ZNF483: variants seen among roughly 807,000 people sequenced by gnomAD.
ZNF483 encodes the protein zinc finger protein HIT-10.
Under a neutral mutation model 28.6 loss-of-function variants are expected in ZNF483, and 9 were observed. The ratio of observed to expected loss-of-function variants is 0.32; its 90% CI spans 0.19 to 0.55. The LOEUF (loss-of-function observed/expected upper bound fraction) is 0.55. ZNF483 is among the 20% of genes least tolerant of loss of function. ZNF483 has a pLI of 0.93. For missense variants in ZNF483, 675 were observed against 871.7 expected (o/e 0.77, Z 2.84); for synonymous variants, 322 against 306.2 (o/e 1.05, Z -0.54).
At position 111,542,842 on chromosome 9, in the gene ZNF483, A is replaced by G. The variant is rs1827708431; in HGVS notation, c.1907A>G (p.Lys636Arg). 2 of 1,614,020 alleles carry G rather than the reference A, an allele frequency of 1.2e-6. No homozygotes were observed. The highest frequency in any genetic ancestry group is 1.3e-5 in the African/African-American group (1 of 74,912). ...QRLHSGEKPY[K>R]CNQCEKAFPT... ...CTTCATTCAGGAGAAAAACCCTACA[A>G]ATGTAACCAGTGTGAGAAAGCCTTC... Residue 636 changes from lysine (K) to arginine (R), a missense_variant, in exon 6 of 6, where the codon AAA (lysine) becomes AGA (arginine). This residue lies in a region of ZNF483 where 47 missense variants were observed against 93.5 expected (regional missense o/e 0.50). Coordinates refer to ENST00000309235, the MANE Select transcript of ZNF483 (RefSeq NM_133464.5). The surrounding 1 kb of genome is among the most constrained non-coding windows in gnomAD (Gnocchi z 6.2).
rs578151319 is a variant in ZNF483 at position 111,560,869 on chromosome 9, G to A, written c.722-15496G>A. Among the ~76,000 whole-genome samples the A allele has an allele frequency of 1.6e-3, 225 of 140,562 alleles. 3 individuals carry two copies. Among genetic ancestry groups the A allele is most frequent in the African/African-American group, 5.9e-3 (219 of 37,264 alleles). 92.2% of individuals were successfully genotyped at this position (140,562 alleles called of 152,430 possible). ...GAGGCAGGAGAATCGCTTGAAGCCG[G>A]GTGGCAGAGGTGGCAGTGAGTGGAG... On this transcript the variant is annotated intron_variant, in intron 5 of 5. Transcript: ENST00000358151.
At chr9:111,528,006 TA>T (rs1275216331) in intron 2 of ZNF483, 199 bp downstream of exon 2, 1 of 1,464,218 alleles carries the variant, frequency 6.8e-7, no homozygotes, top group African/African-American at 1.4e-5. Context: ...TTTTATCTGT[TA>T]AAAAGGGATT....
At position 111,547,204 on chromosome 9, in the gene ZNF483, T is replaced by C. The variant is rs77025790; in HGVS notation, c.*4034T>C. Among the ~76,000 whole-genome samples the C allele has an allele frequency of 2.6e-5, 4 of 152,288 alleles. No individual in the cohort carries two copies. The highest frequency in any genetic ancestry group is 3.9e-4 in the East Asian group (2 of 5,194). ...CTAGAAATAGAATTGCTGGATCTTA[T>C]GATGATTCTATATTTAACTTCTTGA... On this transcript the variant is annotated 3_prime_UTR_variant, in exon 6 of 6. Transcript: ENST00000309235.
rs1326842404 is a variant in ZNF483, at chr9:111,548,494, C to T, written c.*5324C>T. On this transcript the variant is annotated 3_prime_UTR_variant, in exon 6 of 6. Coordinates refer to ENST00000309235, the MANE Select transcript of ZNF483 (RefSeq NM_133464.5). The stretch of plus-strand genomic sequence containing the variant: ...AACTTTGCTGAATTTGTTTATTAGT[C>T]ATAATAGTTTCTTGTGAAATTTTTG... 1.3e-5 allele frequency among the ~76,000 whole-genome samples: 2 copies of T among 152,098 alleles called. No individual in the cohort carries two copies. Among genetic ancestry groups the T allele is most frequent in the African/African-American group, 4.8e-5 (2 of 41,414 alleles).
At chr9:111,574,843 C>G (rs35281132) in intron 5 of ZNF483, 13 of 1,605,390 alleles carry the variant, frequency 8.1e-6, no homozygotes, top group Non-Finnish European at 9.4e-6. Flanking sequence ...CTCCACCTAC[C>G]TAAACAGATA....
intron 2 of ZNF483, 164 bp downstream of exon 2, chr9:111,527,971 G>A (rs1170892046): frequency 1.3e-6 from 2 of 1,510,402 alleles, no homozygotes; most frequent in South Asian, 1.3e-5. Context: ...TGGGCAAGCT[G>A]TGTAAACTCT....
chr9:111,557,323 G>A (rs1436554324), downstream of ZNF483, among the ~76,000 whole-genome samples: 3 of 151,540 alleles, frequency 2.0e-5, no homozygotes, highest in East Asian at 4.0e-4. Flanking sequence ...GCAGTGAGCC[G>A]AGATGGTGCC....
chr9:111,558,199 C>T (rs961705956), downstream of ZNF483, among the ~76,000 whole-genome samples: 5 of 152,142 alleles, frequency 3.3e-5, no homozygotes, highest in Admixed American at 3.3e-4. Flanking sequence ...TCAGTGTATT[C>T]AGGTATTTGT....
In ZNF483 at chr9:111,551,481, C is replaced by T. The variant is rs2132281668; in HGVS notation, c.*8311C>T. ...GGAGTGCAGTGGCGCAATCTTGGTC[C>T]ACTGCAACCTCCGCCTCCTGGGTTC... On this transcript the variant is annotated 3_prime_UTR_variant, in exon 6 of 6. Transcript: ENST00000309235. 6.8e-6 allele frequency among the ~76,000 whole-genome samples: 1 copy of T among 146,662 alleles called. No individual in the cohort carries two copies. Among genetic ancestry groups the T allele is most frequent in the South Asian group, 2.2e-4 (1 of 4,576 alleles).
At chr9:111,537,535 C>T (rs1020717366) in intron 5 of ZNF483, among the ~76,000 whole-genome samples, 3 of 152,112 alleles carry the variant, frequency 2.0e-5, no homozygotes, top group African/African-American at 7.2e-5. Context: ...TAAGTGGATA[C>T]TTAGAGCAGA....
In ZNF483 at chr9:111,546,190, TCATGTATCTTAGTGA is replaced by T. The variant is rs1380771793; in HGVS notation, c.*3021_*3035del. Among the ~76,000 whole-genome samples, 1 of 152,216 alleles carries T rather than the reference TCATGTATCTTAGTGA, an allele frequency of 6.6e-6. No individual in the cohort carries two copies. Among genetic ancestry groups the T allele is most frequent in the African/African-American group, 2.4e-5 (1 of 41,462 alleles). ...CATCTTTTATGTGCTCTTCAGCCAT[TCATGTATCTTAGTGA>T]AATGTTTATTCAGATTTTTTGTCCA... On this transcript the variant is annotated 3_prime_UTR_variant, in exon 6 of 6. Transcript: ENST00000309235.
exon 6 of ZNF483, chr9:111,576,556 A>G: frequency 9.5e-7 from 1 of 1,057,862 alleles, no homozygotes. Context: ...TAGCTAGTGG[A>G]GTGGCCATAG....
intron 5 of ZNF483, among the ~76,000 whole-genome samples, chr9:111,565,088 C>T (rs139224391): frequency 2.6e-5 from 4 of 152,184 alleles, no homozygotes; most frequent in African/African-American, 9.6e-5. Flanking sequence ...CGCACCATTG[C>T]ACCCCAGCCT....
intron 5 of ZNF483, among the ~76,000 whole-genome samples, chr9:111,561,009 A>AGAGAG: frequency 1.2e-5 from 1 of 83,000 alleles, no homozygotes; most frequent in Non-Finnish European, 2.3e-5. Context: ...AGAGAGAGAG[A>AGAGAG]GAGAGAGAGG....
At chr9:111,540,835 A>G (rs187614831) in intron 5 of ZNF483, among the ~76,000 whole-genome samples, 195 of 152,316 alleles carry the variant, frequency 1.3e-3, no homozygotes, top group Non-Finnish European at 2.1e-3. Context: ...ATCTGGCTCT[A>G]TCGCGTATTA....
intron 5 of ZNF483, among the ~76,000 whole-genome samples, chr9:111,572,756 C>CAAAAAAAAAA (rs58101079): frequency 2.7e-4 from 17 of 63,470 alleles, no homozygotes; most frequent in East Asian, 6.5e-4. Context: ...GACCCTGTCT[C>CAAAAAAAAAA]AAAAAAAAAA....
Position 111,542,073 on chromosome 9 carries a change from C to T in ZNF483, c.1138C>T (p.Arg380Cys), listed in dbSNP as rs201454307. Residue 380 changes from arginine to cysteine, a missense_variant, in exon 6 of 6, where the codon CGT (arginine) becomes TGT (cysteine). Arg to Cys is a radical substitution (Grantham distance 180). This residue lies in a region of ZNF483 where 525 missense variants were observed against 581.8 expected (regional missense o/e 0.90). Coordinates refer to ENST00000309235, the MANE Select transcript of ZNF483 (RefSeq NM_133464.5). This position sits in a 1 kb window ranked among gnomAD's most constrained non-coding sequence, Gnocchi z 6.2. ...TTCAGCTCTTACTGAACATCAGAAACGTCAGAAGATTCATTTGGGGGATAG... is the reference window on the plus strand; with the variant it reads ...TTCAGCTCTTACTGAACATCAGAAATGTCAGAAGATTCATTTGGGGGATAG... ...HSSALTEHQKRQKIHLGDRSQ... is the reference protein window; with the variant it reads ...HSSALTEHQKCQKIHLGDRSQ... 6.2e-6 allele frequency: 10 copies of T among 1,613,896 alleles called. No homozygotes were observed. The highest frequency in any genetic ancestry group is 2.7e-5 in the African/African-American group (2 of 74,868).
At chr9:111,557,471 A>G (rs1828158536), downstream of ZNF483, among the ~76,000 whole-genome samples, 1 of 150,908 alleles carries the variant, frequency 6.6e-6, no homozygotes, top group Non-Finnish European at 1.5e-5. Flanking sequence ...TTGGAGATGG[A>G]GTCTCGCTCT....
At chr9:111,565,796 A>G (rs945096712) in intron 5 of ZNF483, among the ~76,000 whole-genome samples, 1 of 152,096 alleles carries the variant, frequency 6.6e-6, no homozygotes, top group Non-Finnish European at 1.5e-5. Context: ...AAGTGCTGGG[A>G]TTATAGCTAT....
Sources: gnomAD v4.1 joint callset for allele counts (sites outside exome capture counted in the v4.1 genomes callset) on GRCh38, gnomAD v4.1.1 for gene constraint, gnomAD v4.1.1 regional missense constraint, Gnocchi (gnomAD v3.1) non-coding constraint, MANE v1.5 for transcripts, NCBI Gene and HGNC (gene_info 2026-07-23, HGNC 2026-07-21) for gene names.